GALNT18: variants seen among roughly 807,000 people sequenced by gnomAD.
The protein encoded by GALNT18 is polypeptide N-acetylgalactosaminyltransferase 18, also known as GalNAc-transferase 18.
In GALNT18, 44 loss-of-function variants were observed where a neutral mutation model predicts 69.5. That is an observed-to-expected ratio of 0.63 (90% CI 0.50 to 0.81). The LOEUF is 0.81. Among genes scored for constraint, GALNT18 ranks in the 40% least tolerant of loss-of-function variants. The probability of loss-of-function intolerance (pLI) is 0.00; values close to 1 mark genes in which losing one functional copy is unlikely to be tolerated. For synonymous variants in GALNT18, 364 were observed against 318.2 expected (o/e 1.14, Z -1.53); for missense variants, 715 against 810.0 (o/e 0.88, Z 1.42).
intron 1 of GALNT18, among the ~76,000 whole-genome samples, chr11:11,568,203 T>A (rs1858699705): frequency 6.6e-6 from 1 of 152,154 alleles, no homozygotes; most frequent in Admixed American, 6.5e-5. Flanking sequence ...CCAGGTGACA[T>A]AAGGAAGAAA....
intron 3 of GALNT18, among the ~76,000 whole-genome samples, chr11:11,400,471 C>T (rs1472774867): frequency 2.0e-5 from 3 of 152,196 alleles, no homozygotes; most frequent in African/African-American, 2.4e-5. Flanking sequence ...AATGTATGCC[C>T]TGTCTAACGA....
At chr11:11,379,288 T>C (rs1362290958) in intron 3 of GALNT18, 24 bp from the exon 4 acceptor site, 1 of 1,602,974 alleles carries the variant, frequency 6.2e-7, no homozygotes, top group African/African-American at 1.3e-5. Flanking sequence ...AATGCAGCCT[T>C]AGCATGGGAG....
At chr11:11,420,835 T>C (rs1854987999) in intron 3 of GALNT18, among the ~76,000 whole-genome samples, 1 of 152,124 alleles carries the variant, frequency 6.6e-6, no homozygotes, top group Admixed American at 6.5e-5. Context: ...AAACCCCTCC[T>C]GATTTACTCC....
At chr11:11,532,294 C>T (rs75110815) in intron 1 of GALNT18, among the ~76,000 whole-genome samples, 106 of 152,282 alleles carry the variant, frequency 7.0e-4, no homozygotes, top group Middle Eastern at 3.4e-3. Context: ...ATTTTACAAC[C>T]ATTTCTCCAT....
chr11:11,429,449 T>C (rs1345299710), intron 3 of GALNT18, among the ~76,000 whole-genome samples: 1 of 152,300 alleles, frequency 6.6e-6, no homozygotes, highest in African/African-American at 2.4e-5. Flanking sequence ...TCCAAATCCG[T>C]ATTCCCACAT....
chr11:11,419,348 G>A (rs1854940315), intron 3 of GALNT18, among the ~76,000 whole-genome samples: 1 of 152,090 alleles, frequency 6.6e-6, no homozygotes, highest in South Asian at 2.1e-4. Flanking sequence ...TGTAATCTCA[G>A]CACTCTGGGA....
chr11:11,464,827 T>G (rs1856120991), intron 1 of GALNT18, among the ~76,000 whole-genome samples: 1 of 152,200 alleles, frequency 6.6e-6, no homozygotes, highest in Admixed American at 6.5e-5. Context: ...TTACTAATGT[T>G]GAAAATTGGG....
Position 11,413,772 on chromosome 11 carries a change from G to A in GALNT18, c.595+18849C>T, listed in dbSNP as rs1854786755. On this transcript the variant is annotated intron_variant, in intron 3 of 10. Coordinates refer to ENST00000227756, the MANE Select transcript of GALNT18 (RefSeq NM_198516.3). This position sits in a 1 kb window ranked among gnomAD's most constrained non-coding sequence, Gnocchi z 4.7. ...TTCACCATTCTTCAAGAGGATGACTGTGGAGCTAGCTGTGCAGCCAAGCCA... is the reference window on the plus strand; with the variant it reads ...TTCACCATTCTTCAAGAGGATGACTATGGAGCTAGCTGTGCAGCCAAGCCA... 2.0e-5 allele frequency among the ~76,000 whole-genome samples: 3 copies of A among 152,190 alleles called. No homozygotes were observed. The South Asian group carries it at 6.2e-4, about 32-fold the overall frequency.
At chr11:11,313,813 G>C (rs2133032262) in intron 9 of GALNT18, among the ~76,000 whole-genome samples, 1 of 152,324 alleles carries the variant, frequency 6.6e-6, no homozygotes, top group Non-Finnish European at 1.5e-5. Flanking sequence ...GGGCCATTGA[G>C]AGTTTTAACT....
chr11:11,516,432 G>C (rs1857278160), intron 1 of GALNT18, among the ~76,000 whole-genome samples: 1 of 152,128 alleles, frequency 6.6e-6, no homozygotes, highest in Admixed American at 6.5e-5. Flanking sequence ...GGGAGTTCGA[G>C]ACCAGCCTGG....
At chr11:11,501,819 G>C (rs1856978482) in intron 1 of GALNT18, among the ~76,000 whole-genome samples, 1 of 152,208 alleles carries the variant, frequency 6.6e-6, no homozygotes, top group East Asian at 1.9e-4. Flanking sequence ...GAAGATGCCT[G>C]TCCTTTTTCC....
intron 3 of GALNT18, among the ~76,000 whole-genome samples, chr11:11,424,029 C>T (rs1277375457): frequency 5.9e-5 from 9 of 152,214 alleles, no homozygotes; most frequent in Admixed American, 4.6e-4. Context: ...GGGTCAAACT[C>T]CAGCCCGGGC....
At position 11,602,487 on chromosome 11, in the gene GALNT18, C is replaced by A. The variant is rs188943753; in HGVS notation, c.235+18872G>T. 1.3e-5 allele frequency among the ~76,000 whole-genome samples: 2 copies of A among 152,186 alleles called. No individual in the cohort carries two copies. The highest frequency in any genetic ancestry group is 3.9e-4 in the East Asian group (2 of 5,176). ...ACCCCGTCTTCTTGTCCATATCTGTCCAGAGGAGAGCTTCTGTTTTATTGA... is the reference window on the plus strand; with the variant it reads ...ACCCCGTCTTCTTGTCCATATCTGTACAGAGGAGAGCTTCTGTTTTATTGA... On this transcript the variant is annotated intron_variant, in intron 1 of 10. Coordinates refer to ENST00000227756, the MANE Select transcript of GALNT18 (RefSeq NM_198516.3). This position sits in a 1 kb window ranked among gnomAD's most constrained non-coding sequence, Gnocchi z 4.7.
chr11:11,422,232 C>A (rs1334889438), intron 3 of GALNT18, among the ~76,000 whole-genome samples: 1 of 152,206 alleles, frequency 6.6e-6, no homozygotes, highest in East Asian at 1.9e-4. Context: ...CTGCTGGACA[C>A]CACCAGAGGA....
rs1858579847 is a variant in GALNT18, at chr11:11,563,971, G to C, written c.235+57388C>G. Among the ~76,000 whole-genome samples the C allele has an allele frequency of 6.6e-6, 1 of 152,182 alleles. No individual in the cohort carries two copies. The highest frequency in any genetic ancestry group is 2.4e-5 in the African/African-American group (1 of 41,442). On this transcript the variant is annotated intron_variant, in intron 1 of 10. Transcript: ENST00000227756. This position sits in a 1 kb window ranked among gnomAD's most constrained non-coding sequence, Gnocchi z 4.6. ...AGGATATAAAGAGCTATGCTGATCT[G>C]ACATGATGGCTTGCTCCAACGCCCT...
At chr11:11,369,094 A>G (rs1850837902) in intron 6 of GALNT18, among the ~76,000 whole-genome samples, 1 of 152,224 alleles carries the variant, frequency 6.6e-6, no homozygotes, top group Admixed American at 6.5e-5. Context: ...GAAAACATAA[A>G]CTTAAGTGTC....
At chr11:11,363,906 G>T (rs1386171459) in intron 6 of GALNT18, among the ~76,000 whole-genome samples, 1 of 150,886 alleles carries the variant, frequency 6.6e-6, no homozygotes, top group East Asian at 1.9e-4. Context: ...GAGTCAAAAG[G>T]ACCCATGGAC....
rs779544652 is a variant in GALNT18, at chr11:11,271,271, C to T, written c.1697G>A (p.Arg566His). Residue 566 changes from arginine (R) to histidine (H), a missense_variant, in exon 11 of 11, where the codon CGC becomes CAC. Physicochemically the swap from Arg to His is conservative, Grantham distance 29. Transcript: ENST00000227756. Reference sequence around the variant, plus strand: ...CAGCTCCAGACAGCGCTTAGACTTGCGGTTCTGGATGGGTCCTCCCTAGGG... The same window carrying T: ...CAGCTCCAGACAGCGCTTAGACTTGTGGTTCTGGATGGGTCCTCCCTAGGG... ...QFSQGGPIQN[R>H]KSKRCLELQE... 46 of 1,614,038 alleles carry T rather than the reference C, an allele frequency of 2.8e-5. No homozygotes were observed. The highest frequency in any genetic ancestry group is 3.5e-5 in the Non-Finnish European group (41 of 1,179,956).
intron 1 of GALNT18, among the ~76,000 whole-genome samples, chr11:11,588,779 T>G (rs1187572097): frequency 6.6e-6 from 1 of 152,216 alleles, no homozygotes; most frequent in Non-Finnish European, 1.5e-5. Context: ...TGATTTGTAC[T>G]TTGCCACTCT....
Sources: allele counts gnomAD v4.1 joint callset (sites outside exome capture counted in the v4.1 genomes callset), GRCh38; gene constraint gnomAD v4.1.1; non-coding constraint Gnocchi (gnomAD v3.1); transcripts MANE v1.5; gene names NCBI Gene and HGNC (gene_info 2026-07-23, HGNC 2026-07-21).